ACSS3: variants seen among roughly 807,000 people sequenced by gnomAD.
ACSS3 encodes the protein acyl-CoA synthetase short-chain family member 3, mitochondrial.
A neutral mutation model predicts 84.2 loss-of-function variants in ACSS3; 64 were observed. The observed-to-expected ratio is 0.76, with a 90% CI of 0.62 to 0.94. ACSS3 has a LOEUF of 0.94. ACSS3 is among the 40% of genes least tolerant of loss of function. ACSS3 has a pLI of 0.00. For synonymous variants in ACSS3, 317 were observed against 310.1 expected, an observed-to-expected ratio of 1.02 and a Z score of -0.23; for missense variants, 815 against 867.6, an observed-to-expected ratio of 0.94 and a Z score of 0.76.
At chr12:81,079,111 G>T (rs1486532879) in intron 1 of ACSS3, among the ~76,000 whole-genome samples, 1 of 152,176 alleles carries the variant, frequency 6.6e-6, no homozygotes, top group East Asian at 1.9e-4. Context: ...GCAGTATGGG[G>T]TACCCAGAAA....
chr12:81,207,936 G>A (rs78174485), intron 9 of ACSS3, among the ~76,000 whole-genome samples: 2,216 of 152,166 alleles, frequency 0.015, 24 homozygotes, highest in Non-Finnish European at 0.021. Context: ...CTCATAGCTC[G>A]AATTAATGGT....
intron 2 of ACSS3, among the ~76,000 whole-genome samples, chr12:81,115,211 G>A (rs1008990656): frequency 2.6e-5 from 4 of 152,226 alleles, no homozygotes; most frequent in South Asian, 2.1e-4. Flanking sequence ...TGAATTGTTC[G>A]TAGGGTATGC....
intron 1 of ACSS3, among the ~76,000 whole-genome samples, chr12:81,085,806 A>G (rs1881271161): frequency 6.6e-6 from 1 of 152,232 alleles, no homozygotes; most frequent in South Asian, 2.1e-4. Flanking sequence ...GTAATGTGTC[A>G]ATATTAGTTT....
chr12:81,145,218 G>C (rs1488463426), intron 5 of ACSS3, among the ~76,000 whole-genome samples: 1 of 151,652 alleles, frequency 6.6e-6, no homozygotes, highest in East Asian at 1.9e-4. Context: ...GCCCGGCCCA[G>C]GTTTTCTCTG....
At chr12:81,113,367 G>A (rs778254225) in intron 2 of ACSS3, among the ~76,000 whole-genome samples, 1 of 152,024 alleles carries the variant, frequency 6.6e-6, no homozygotes, top group African/African-American at 2.4e-5. Context: ...TGAATGTTAC[G>A]TTCTCAGTGA....
intron 8 of ACSS3, among the ~76,000 whole-genome samples, chr12:81,182,998 AC>A (rs2031038242): frequency 6.6e-6 from 1 of 152,134 alleles, no homozygotes; most frequent in Admixed American, 6.6e-5. Flanking sequence ...CATACAGACC[AC>A]CAAAAATTTT....
At chr12:81,215,520 C>T (rs2135940028) in intron 9 of ACSS3, among the ~76,000 whole-genome samples, 1 of 152,214 alleles carries the variant, frequency 6.6e-6, no homozygotes, top group South Asian at 2.1e-4. Context: ...AAAGTGATAT[C>T]AATATGTGAT....
At chr12:81,251,806 G>A (rs774574301) in intron 13 of ACSS3, among the ~76,000 whole-genome samples, 2 of 151,946 alleles carry the variant, frequency 1.3e-5, no homozygotes, top group Admixed American at 6.6e-5. Flanking sequence ...ACATGCCAGC[G>A]CACTCCAGCT....
chr12:81,179,662 C>T (rs564979484), intron 8 of ACSS3, among the ~76,000 whole-genome samples: 7 of 150,972 alleles, frequency 4.6e-5, no homozygotes, highest in African/African-American at 1.7e-4. Context: ...CCCAGCTACT[C>T]GGAGAGGCTG....
chr12:81,204,924 A>G (rs1305432847), intron 9 of ACSS3, among the ~76,000 whole-genome samples: 2 of 152,150 alleles, frequency 1.3e-5, no homozygotes, highest in Admixed American at 6.6e-5. Context: ...AGGAATTTCA[A>G]TGAGAAAACA....
At chr12:81,154,731 G>C (rs1163399232) in intron 7 of ACSS3, among the ~76,000 whole-genome samples, 1 of 152,138 alleles carries the variant, frequency 6.6e-6, no homozygotes, top group African/African-American at 2.4e-5. Flanking sequence ...CTTCATAAGT[G>C]ACAAAGTCAA....
At chr12:81,125,162 C>T (rs940267169) in intron 2 of ACSS3, among the ~76,000 whole-genome samples, 3 of 152,042 alleles carry the variant, frequency 2.0e-5, no homozygotes, top group East Asian at 1.9e-4. Flanking sequence ...TGCAGTGAGC[C>T]GAGATTGCGC....
chr12:81,153,506 G>C (rs1886718220), intron 7 of ACSS3, among the ~76,000 whole-genome samples: 1 of 151,912 alleles, frequency 6.6e-6, no homozygotes, highest in African/African-American at 2.4e-5. Flanking sequence ...TGTTTAAAAA[G>C]TTGCTACATA....
chr12:81,141,562 T>C (rs550386055), intron 4 of ACSS3, among the ~76,000 whole-genome samples: 2 of 152,322 alleles, frequency 1.3e-5, no homozygotes, highest in African/African-American at 2.4e-5. Flanking sequence ...GTGTTTTTTT[T>C]CCTCTGTTTC....
chr12:81,161,723 C>A (rs961642270), intron 7 of ACSS3, among the ~76,000 whole-genome samples: 3 of 152,204 alleles, frequency 2.0e-5, no homozygotes, highest in African/African-American at 7.2e-5. Context: ...CTTGTCCTGG[C>A]AGGCTGTGCT....
chr12:81,210,001 C>G (rs573614653), intron 9 of ACSS3, among the ~76,000 whole-genome samples: 1 of 152,296 alleles, frequency 6.6e-6, no homozygotes, highest in Admixed American at 6.5e-5. Flanking sequence ...TGGCCAGCTG[C>G]TTTACCTCTT....
At chr12:81,172,259 CAA>C (rs775755412) in intron 7 of ACSS3, among the ~76,000 whole-genome samples, 2 of 56,940 alleles carry the variant, frequency 3.5e-5, no homozygotes, top group Non-Finnish European at 3.1e-5. Context: ...GGCTCTGTCT[CAA>C]AAAAAAAAAA....
chr12:81,198,388 G>T (rs1454221870), intron 8 of ACSS3, among the ~76,000 whole-genome samples: 3 of 152,126 alleles, frequency 2.0e-5, no homozygotes, highest in Non-Finnish European at 4.4e-5. Flanking sequence ...AGGAGTGGAA[G>T]TATTTGAATC....
intron 1 of ACSS3, among the ~76,000 whole-genome samples, chr12:81,078,726 T>G (rs1162937307): frequency 6.6e-6 from 1 of 152,096 alleles, no homozygotes; most frequent in Non-Finnish European, 1.5e-5. Flanking sequence ...AACAAGATCC[T>G]GCCTCCAGGG....
Sources: gnomAD v4.1 joint callset for allele counts (sites outside exome capture counted in the v4.1 genomes callset) on GRCh38, gnomAD v4.1.1 for gene constraint, MANE v1.5 for transcripts, NCBI Gene and HGNC (gene_info 2026-07-23, HGNC 2026-07-21) for gene names.